MEIKIN: variants seen among roughly 807,000 people sequenced by gnomAD.
MEIKIN encodes meiotic kinetochore factor, also known as meiosis-specific kinetochore protein.
At chr5:131,838,295 G>T (rs959870525) in intron 11 of MEIKIN, among the ~76,000 whole-genome samples, 1 of 152,134 alleles carries the variant, frequency 6.6e-6, no homozygotes, top group African/African-American at 2.4e-5. Context: ...GTTCATCAAG[G>T]ATATTGGTCT....
At chr5:131,930,341 G>A (rs80015131) in intron 5 of MEIKIN, among the ~76,000 whole-genome samples, 4,062 of 152,006 alleles carry the variant, frequency 0.027, 189 homozygotes, top group African/African-American at 0.092. Context: ...TAATAGGATC[G>A]TTTTTTTGCT....
chr5:131,824,543 AC>A (rs1208483163), intron 11 of MEIKIN, among the ~76,000 whole-genome samples: 3 of 152,222 alleles, frequency 2.0e-5, no homozygotes, highest in South Asian at 2.1e-4. Flanking sequence ...AAACAAAAAA[AC>A]AAAACAATAA....
At chr5:131,809,394 T>TG (rs1325169667) in intron 12 of MEIKIN, among the ~76,000 whole-genome samples, 1 of 152,190 alleles carries the variant, frequency 6.6e-6, no homozygotes, top group Non-Finnish European at 1.5e-5. Context: ...AGAACAATGG[T>TG]TCTGTGTCAA....
intron 8 of MEIKIN, among the ~76,000 whole-genome samples, chr5:131,910,121 G>A (rs190564694): frequency 4.0e-5 from 6 of 151,610 alleles, no homozygotes; most frequent in East Asian, 3.9e-4. Flanking sequence ...CTGCACTCCC[G>A]CATTTGTTTC....
At chr5:131,860,438 T>G (rs943106623) in intron 9 of MEIKIN, among the ~76,000 whole-genome samples, 3 of 151,094 alleles carry the variant, frequency 2.0e-5, no homozygotes, top group Non-Finnish European at 2.9e-5. Context: ...GTTCTAACAG[T>G]TGTTTTTTTT....
intron 5 of MEIKIN, among the ~76,000 whole-genome samples, chr5:131,930,776 G>A (rs923209899): frequency 1.4e-4 from 22 of 152,126 alleles, no homozygotes; most frequent in Admixed American, 1.4e-3. Context: ...TTATAGGCAT[G>A]AGCCACTGTG....
chr5:131,884,846 T>C (rs1216567386), intron 8 of MEIKIN, among the ~76,000 whole-genome samples: 1 of 152,220 alleles, frequency 6.6e-6, no homozygotes, highest in Admixed American at 6.5e-5. Context: ...ATAAGCTGAC[T>C]GAAGAGCCCT....
At chr5:131,920,630 T>C (rs182131447) in intron 6 of MEIKIN, among the ~76,000 whole-genome samples, 9 of 152,224 alleles carry the variant, frequency 5.9e-5, no homozygotes, top group African/African-American at 2.2e-4. Flanking sequence ...CCCTTTGATA[T>C]GATATGATAC....
In MEIKIN at chr5:131,922,378, CT is replaced by C. The variant is rs539631895; in HGVS notation, c.479-438del. Reference sequence around the variant, plus strand: ...TGCATCCATACTCAACATATACAGCCTTTTTTTTTTCTTGTCATTATTCACT... The same window carrying C: ...TGCATCCATACTCAACATATACAGCCTTTTTTTTTCTTGTCATTATTCACT... On this transcript the variant is annotated intron_variant, in intron 5 of 12. Coordinates refer to ENST00000442687, the MANE Select transcript of MEIKIN (RefSeq NM_001303622.2). Among the ~76,000 whole-genome samples, 67 of 149,018 alleles carry C rather than the reference CT, an allele frequency of 4.5e-4. 1 individual carries two copies. The East Asian group carries it at 5.9e-3, about 13-fold the overall frequency.
chr5:131,883,146 T>C (rs1169068811), intron 8 of MEIKIN, among the ~76,000 whole-genome samples: 1 of 152,230 alleles, frequency 6.6e-6, no homozygotes, highest in African/African-American at 2.4e-5. Flanking sequence ...ACTTAGGTGC[T>C]TAATAAATAT....
intron 5 of MEIKIN, among the ~76,000 whole-genome samples, chr5:131,928,362 C>T (rs1398986189): frequency 1.3e-5 from 2 of 152,046 alleles, no homozygotes; most frequent in East Asian, 1.9e-4. Flanking sequence ...CCTTTGTGTT[C>T]CACTGCTTTT....
chr5:131,879,229 A>C (rs1580886673), intron 8 of MEIKIN, among the ~76,000 whole-genome samples, 181 bp from the exon 9 acceptor site: 1 of 152,212 alleles, frequency 6.6e-6, no homozygotes, highest in Non-Finnish European at 1.5e-5. Flanking sequence ...AATAATAAAA[A>C]CATCCTTATC....
intron 8 of MEIKIN, among the ~76,000 whole-genome samples, chr5:131,881,764 C>G (rs1750706126): frequency 6.6e-6 from 1 of 152,110 alleles, no homozygotes; most frequent in Non-Finnish European, 1.5e-5. Flanking sequence ...ATTTCCAGCA[C>G]CTGGGAAGTT....
intron 4 of MEIKIN, 74 bp downstream of exon 4, chr5:131,942,561 G>C (rs1156239029): frequency 5.0e-6 from 2 of 396,532 alleles, no homozygotes; most frequent in African/African-American, 4.1e-5. Context: ...AGGAAGATGG[G>C]GAGAGATACA....
intron 11 of MEIKIN, among the ~76,000 whole-genome samples, chr5:131,827,663 G>A (rs1749637917): frequency 6.6e-6 from 1 of 152,036 alleles, no homozygotes; most frequent in Non-Finnish European, 1.5e-5. Flanking sequence ...CAGTACACCA[G>A]AAAAGCATAA....
At chr5:131,819,966 GGGGTTT>G (rs1749461774) in intron 11 of MEIKIN, among the ~76,000 whole-genome samples, 1 of 147,352 alleles carries the variant, frequency 6.8e-6, no homozygotes, top group Non-Finnish European at 1.5e-5. Context: ...TAGTAGAGAC[GGGGTTT>G]CACCGTTTTA....
intron 11 of MEIKIN, among the ~76,000 whole-genome samples, chr5:131,820,076 T>TC (rs1749464899): frequency 7.4e-6 from 1 of 134,592 alleles, no homozygotes; most frequent in African/African-American, 2.8e-5. Context: ...CGCCCGGCCT[T>TC]TTTTTTTTTT....
chr5:131,854,909 T>G, intron 9 of MEIKIN, 75 bp from the exon 10 acceptor site: 1 of 391,676 alleles, frequency 2.6e-6, no homozygotes, highest in Non-Finnish European at 4.5e-6. Context: ...AAACTACAAT[T>G]TCAAGTTAGT....
intron 5 of MEIKIN, among the ~76,000 whole-genome samples, chr5:131,930,628 T>C (rs535181967): frequency 7.2e-5 from 11 of 152,276 alleles, no homozygotes; most frequent in Non-Finnish European, 1.0e-4. Flanking sequence ...AATTTTTCTT[T>C]TATTCTTTTT....
Sources: gnomAD v4.1 joint callset for allele counts (sites outside exome capture counted in the v4.1 genomes callset) on GRCh38, gnomAD v4.1.1 for gene constraint, MANE v1.5 for transcripts, NCBI Gene and HGNC (gene_info 2026-07-23, HGNC 2026-07-21) for gene names.